ENTREP2: variants seen among roughly 807,000 people sequenced by gnomAD.
ENTREP2 encodes protein ENTREP2.
chr15:29,495,974 T>C, the ENTREP2 span, among the ~76,000 whole-genome samples: 1 of 152,140 alleles, frequency 6.6e-6, no homozygotes, highest in Non-Finnish European at 1.5e-5. Flanking sequence ...ATAGACTGCA[T>C]TGAATCTGTA....
chr15:29,647,518 T>C, the ENTREP2 span, among the ~76,000 whole-genome samples: 1 of 152,202 alleles, frequency 6.6e-6, no homozygotes, highest in African/African-American at 2.4e-5. Context: ...TAATGTACAG[T>C]ACAGGCAAAT....
At chr15:29,629,271 T>C in the ENTREP2 span, among the ~76,000 whole-genome samples, 1 of 152,178 alleles carries the variant, frequency 6.6e-6, no homozygotes, top group Admixed American at 6.5e-5. Context: ...TCACTAATTA[T>C]ATTTTACAGA....
chr15:29,247,050 G>T, the ENTREP2 span, among the ~76,000 whole-genome samples: 1 of 151,292 alleles, frequency 6.6e-6, no homozygotes, highest in Non-Finnish European at 1.5e-5. Flanking sequence ...GGTGCTAGGA[G>T]CCCAGAATAA....
At chr15:29,612,012 G>A in the ENTREP2 span, among the ~76,000 whole-genome samples, 1 of 152,188 alleles carries the variant, frequency 6.6e-6, no homozygotes, top group African/African-American at 2.4e-5. Flanking sequence ...TAAAAGAGAA[G>A]ATTGCATTCC....
chr15:29,365,980 C>T, the ENTREP2 span, among the ~76,000 whole-genome samples: 1 of 152,170 alleles, frequency 6.6e-6, no homozygotes, highest in East Asian at 1.9e-4. Context: ...CCAAATCTAA[C>T]AGCCATTGAC....
At chr15:29,129,230 G>GTT in the ENTREP2 span, among the ~76,000 whole-genome samples, 4 of 151,942 alleles carry the variant, frequency 2.6e-5, no homozygotes, top group African/African-American at 9.7e-5. Flanking sequence ...TGCCCAGCTA[G>GTT]TTTTTTGTAT....
chr15:29,573,861 C>A, the ENTREP2 span, among the ~76,000 whole-genome samples: 1 of 152,110 alleles, frequency 6.6e-6, no homozygotes, highest in African/African-American at 2.4e-5. Flanking sequence ...TTATTTCATA[C>A]TATGTTTTAC....
At chr15:29,470,145 C>T in the ENTREP2 span, among the ~76,000 whole-genome samples, 643 of 152,338 alleles carry the variant, frequency 4.2e-3, 6 homozygotes, top group African/African-American at 0.015. Context: ...AACCTTCACA[C>T]ACATACCACA....
the ENTREP2 span, among the ~76,000 whole-genome samples, chr15:29,441,100 G>A: frequency 6.6e-6 from 1 of 152,168 alleles, no homozygotes; most frequent in Non-Finnish European, 1.5e-5. Flanking sequence ...TGATAAAATG[G>A]AGTCCATCCA....
At chr15:29,454,738 G>C in the ENTREP2 span, among the ~76,000 whole-genome samples, 2 of 152,118 alleles carry the variant, frequency 1.3e-5, no homozygotes, top group African/African-American at 2.4e-5. Flanking sequence ...ACTCCCCAGT[G>C]GTCCCTGGAG....
chr15:29,481,448 T>A, the ENTREP2 span, among the ~76,000 whole-genome samples: 1 of 151,978 alleles, frequency 6.6e-6, no homozygotes, highest in South Asian at 2.1e-4. Context: ...CTCAAGTAGA[T>A]GTAAGATTCA....
chr15:29,325,884 T>C, the ENTREP2 span, among the ~76,000 whole-genome samples: 2 of 152,166 alleles, frequency 1.3e-5, no homozygotes, highest in African/African-American at 2.4e-5. Context: ...AAAAGAATTA[T>C]ATACTTCAAC....
chr15:29,232,932 A>T, the ENTREP2 span, among the ~76,000 whole-genome samples: 1 of 152,214 alleles, frequency 6.6e-6, no homozygotes, highest in African/African-American at 2.4e-5. Context: ...CTGAGGTGAG[A>T]TAGTAAACCA....
chr15:29,267,126 G>A, the ENTREP2 span: 1 of 152,164 alleles, frequency 6.6e-6, no homozygotes, highest in Non-Finnish European at 1.5e-5. Flanking sequence ...CAATTCAACA[G>A]AATGAAATAA....
chr15:29,551,066 T>C, the ENTREP2 span, among the ~76,000 whole-genome samples: 9 of 152,164 alleles, frequency 5.9e-5, no homozygotes, highest in African/African-American at 1.9e-4. Context: ...AACACTACTG[T>C]AGTAAATATC....
At chr15:29,164,536 T>C in the ENTREP2 span, among the ~76,000 whole-genome samples, 3 of 152,150 alleles carry the variant, frequency 2.0e-5, no homozygotes, top group African/African-American at 7.2e-5. Context: ...TATTCTTATA[T>C]CAGACAAAAC....
At chr15:29,389,115 TA>T in the ENTREP2 span, among the ~76,000 whole-genome samples, 1 of 144,438 alleles carries the variant, frequency 6.9e-6, no homozygotes, top group African/African-American at 2.6e-5. Context: ...AAGTATAATT[TA>T]AAAAAACAAT....
At chr15:29,129,801 G>A in the ENTREP2 span, among the ~76,000 whole-genome samples, 11 of 152,260 alleles carry the variant, frequency 7.2e-5, no homozygotes, top group Non-Finnish European at 1.0e-4. Flanking sequence ...AGGGCCTCCC[G>A]GATGCGATGT....
chr15:29,288,259 T>G, the ENTREP2 span, among the ~76,000 whole-genome samples: 2 of 152,168 alleles, frequency 1.3e-5, no homozygotes, highest in Non-Finnish European at 2.9e-5. Flanking sequence ...GTATGCATAT[T>G]TGTATACGTG....
Sources: allele counts gnomAD v4.1 joint callset (sites outside exome capture counted in the v4.1 genomes callset), GRCh38; gene constraint gnomAD v4.1.1; transcripts MANE v1.5; gene names NCBI Gene and HGNC (gene_info 2026-07-23, HGNC 2026-07-21).